The following JAK3 variants were observed in gnomAD, a reference collection of about 807,000 sequenced individuals.
JAK3 encodes tyrosine-protein kinase JAK3.
JAK3 carries 88 observed loss-of-function variants against 120.8 expected under a neutral mutation model. That is an observed-to-expected ratio of 0.73 (90% CI 0.61 to 0.87). The LOEUF is 0.87. Ranked by LOEUF, JAK3 falls within the 40% of genes least tolerant of loss-of-function variation. JAK3 has a pLI of 0.00. For missense variants in JAK3, 1,254 were observed against 1,501.4 expected, an observed-to-expected ratio of 0.84 and a Z score of 2.72; for synonymous variants, 592 against 628.6, an observed-to-expected ratio of 0.94 and a Z score of 0.87.
chr19:17,843,018 G>T lies in JAK3; in HGVS notation c.566+9C>A, dbSNP rs771632271. 6.2e-7 allele frequency: 1 copy of T among 1,609,658 alleles called. No homozygotes were observed. Among genetic ancestry groups the T allele is most frequent in the Non-Finnish European group, 8.5e-7 (1 of 1,179,686 alleles). On this transcript the variant is annotated intron_variant, in intron 5 of 23. Transcript: ENST00000458235. The surrounding 1 kb of genome is among the most constrained non-coding windows in gnomAD (Gnocchi z 5.4). ...GCAGAGGCCGTCCCCACAGCCTGGTGGCTCTCACCTGACAGTCTTCAGCAG... is the reference window on the plus strand; with the variant it reads ...GCAGAGGCCGTCCCCACAGCCTGGTTGCTCTCACCTGACAGTCTTCAGCAG...
At position 17,835,999 on chromosome 19, in the gene JAK3, T is replaced by G; in HGVS notation, c.1839A>C (p.Arg613=). 2 of 1,614,162 alleles carry G rather than the reference T, an allele frequency of 1.2e-6. No individual in the cohort carries two copies. Among genetic ancestry groups the G allele is most frequent in the Non-Finnish European group, 8.5e-7 (1 of 1,180,048 alleles). The change falls in exon 14 of 24, where the codon CGA becomes CGC. Residue 613 remains arginine, a synonymous_variant. Transcript: ENST00000458235. The part of the protein sequence containing the change: ...VHLGAIDMYL[R]KRGHLVPASW... Reference sequence around the variant, plus strand: ...TGGCTGGCACCAGGTGGCCACGTTTTCGCAGATACATGTCTATGGCCCCCA... The same window carrying G: ...TGGCTGGCACCAGGTGGCCACGTTTGCGCAGATACATGTCTATGGCCCCCA...
At chr19:17,836,592 C>T (rs929664039) in intron 13 of JAK3, 2 of 360,660 alleles carry the variant, frequency 5.5e-6, no homozygotes, top group Non-Finnish European at 1.0e-5. Context: ...ACTTCTAACC[C>T]TTTGCATATT....
chr19:17,844,008 G>T, intron 2 of JAK3, 108 bp from the exon 3 acceptor site: 1 of 1,427,778 alleles, frequency 7.0e-7, no homozygotes, highest in South Asian at 1.3e-5. Context: ...CTCAAGGTAT[G>T]ACCAGCTGTT....
chr19:17,841,772 A>AG lies in JAK3; in HGVS notation c.862-11dup, dbSNP rs1337380844. On this transcript the variant is annotated splice_polypyrimidine_tract_variant and intron_variant, in intron 6 of 23. Transcript: ENST00000458235. The surrounding 1 kb of genome is among the most constrained non-coding windows in gnomAD (Gnocchi z 4.1). ...AGAAGGGCTGGAGGACCTGGGAAGGAGGGGGAGTACCGAAGTGGGGGCCCA... is the reference window on the plus strand; with the variant it reads ...AGAAGGGCTGGAGGACCTGGGAAGGAGGGGGGAGTACCGAAGTGGGGGCCCA... 6.2e-7 allele frequency: 1 copy of AG among 1,601,178 alleles called. No individual in the cohort carries two copies. Among genetic ancestry groups the AG allele is most frequent in the Admixed American group, 1.7e-5 (1 of 59,918 alleles).
At chr19:17,828,921 G>A (rs952909560) in intron 23 of JAK3, among the ~76,000 whole-genome samples, 24 of 151,752 alleles carry the variant, frequency 1.6e-4, no homozygotes, top group East Asian at 1.4e-3. Context: ...TTGGGAGGCC[G>A]AGGCAGGAGG....
chr19:17,830,894 C>G (rs1351268356), intron 21 of JAK3, among the ~76,000 whole-genome samples: 1 of 6,604 alleles, frequency 1.5e-4, no homozygotes, highest in African/African-American at 6.4e-4. Flanking sequence ...GGGGCCAGAA[C>G]TGGGCGGGGG....
At chr19:17,830,285 CGTGGTGGGGGTAGGGGCCATCT>C in intron 22 of JAK3, 67 bp from the exon 23 acceptor site, 1 of 769,092 alleles carries the variant, frequency 1.3e-6, no homozygotes, top group Non-Finnish European at 2.0e-6. Flanking sequence ...AGGGGCCACC[CGTGGTGGGGGTAGGGGCCATCT>C]GTGATGGAGC....
chr19:17,825,403 G>A lies in JAK3; in HGVS notation c.*1340C>T, dbSNP rs1298121146. ...GGGTGAGGACAGAAAGGGTCCCATT[G>A]GACAGGTGGGAAAACTGAAGCCCTA... is the stretch of plus-strand genomic sequence containing the variant. On this transcript the variant is annotated 3_prime_UTR_variant, in exon 24 of 24. Coordinates refer to ENST00000458235, the MANE Select transcript of JAK3 (RefSeq NM_000215.4). 2 of 220,324 alleles carry A rather than the reference G, an allele frequency of 9.1e-6. No homozygotes were observed. Among genetic ancestry groups the A allele is most frequent in the Non-Finnish European group, 1.8e-5 (2 of 110,066 alleles). 13.6% of individuals were successfully genotyped at this position (220,324 alleles called of 1,614,324 possible).
In JAK3 at chr19:17,842,297, C is replaced by CG. The variant is rs1327507322; in HGVS notation, c.861+18dup. The CG allele has an allele frequency of 6.5e-6, 10 of 1,547,214 alleles. No individual in the cohort carries two copies. Among genetic ancestry groups the CG allele is most frequent in the South Asian group, 3.6e-5 (3 of 83,756 alleles). On this transcript the variant is annotated intron_variant, in intron 6 of 23. Transcript: ENST00000458235. This position sits in a 1 kb window ranked among gnomAD's most constrained non-coding sequence, Gnocchi z 6.4. ...CCGCCCCCACGTTGGCCCCGCCCAG[C>CG]GGGGGAGTCCGCCCTCACCTCCTGT...
At position 17,842,517 on chromosome 19, in the gene JAK3, G is replaced by A; in HGVS notation, c.660C>T (p.Ala220=). 6.3e-7 allele frequency: 1 copy of A among 1,593,758 alleles called. No homozygotes were observed. Residue 220 remains alanine (A), a synonymous_variant, in exon 6 of 24, where the codon GCC becomes GCT. Coordinates refer to ENST00000458235, the MANE Select transcript of JAK3 (RefSeq NM_000215.4). The surrounding 1 kb of genome is among the most constrained non-coding windows in gnomAD (Gnocchi z 6.4). Reference sequence around the variant, plus strand: ...CCTGGCAGGCGGCCACGCGGCGCAGGGCTCTGCGCACCGTCCTCCGAATAC... The same window carrying A: ...CCTGGCAGGCGGCCACGCGGCGCAGAGCTCTGCGCACCGTCCTCCGAATAC... ...RRRIRRTVRR[A]LRRVAACQAD...
rs3212720 is a variant in JAK3 at position 17,843,605 on chromosome 19, T to G, written c.309-114A>C. 6,405 of 1,162,102 alleles carry G rather than the reference T, an allele frequency of 5.5e-3. 277 individuals carry two copies. The African/African-American group carries it at 0.086, about 16-fold the overall frequency. The allele number at this position is 1,162,102 out of a possible 1,614,324, so 72.0% of individuals were successfully genotyped here. ...CGGAGGCCTCACAGAGCCCAGCTTG[T>G]ACCTTTAACTTGCTGTGTGACCTTG... On this transcript the variant is annotated intron_variant, in intron 3 of 23. Coordinates refer to ENST00000458235, the MANE Select transcript of JAK3 (RefSeq NM_000215.4). The surrounding 1 kb of genome is among the most constrained non-coding windows in gnomAD (Gnocchi z 5.4).
chr19:17,842,970 GA>G lies in JAK3; in HGVS notation c.566+56del. The G allele has an allele frequency of 6.2e-7, 1 of 1,600,978 alleles. No homozygotes were observed. Among genetic ancestry groups the G allele is most frequent in the Non-Finnish European group, 8.5e-7 (1 of 1,176,920 alleles). ...GTGGGAGCCCGGCAAAGCCCCGATG[GA>G]GCCCACGTTGCTCACTCCCAAGCAG... On this transcript the variant is annotated intron_variant, in intron 5 of 23. Transcript: ENST00000458235. The surrounding 1 kb of genome is among the most constrained non-coding windows in gnomAD (Gnocchi z 6.4).
At position 17,841,611 on chromosome 19, in the gene JAK3, G is replaced by A. The variant is rs201553221; in HGVS notation, c.984+29C>T. The A allele has an allele frequency of 6.8e-5, 110 of 1,613,014 alleles. No individual in the cohort carries two copies. In the South Asian group the frequency reaches 1.1e-3, roughly 15 times the overall value. On this transcript the variant is annotated intron_variant, in intron 7 of 23. Transcript: ENST00000458235. The surrounding 1 kb of genome is among the most constrained non-coding windows in gnomAD (Gnocchi z 4.1). ...GTGCCGGTCCCGCCCTCGGGGTAAG[G>A]CTGAAGGGGAGGGGAATCCTGCACC...
intron 1 of JAK3, among the ~76,000 whole-genome samples, chr19:17,845,017 T>G (rs1018971966): frequency 1.3e-5 from 2 of 151,880 alleles, no homozygotes; most frequent in Non-Finnish European, 2.9e-5. Context: ...AGGAGGTCAC[T>G]CAAATTGACC....
chr19:17,847,878 G>T, intron 1 of JAK3, 68 bp downstream of exon 1: 1 of 645,230 alleles, frequency 1.5e-6, no homozygotes, highest in Non-Finnish European at 2.0e-6. Flanking sequence ...CCCCAGCCCA[G>T]CCATCCCCCG....
rs373027121 is a variant in JAK3, at chr19:17,835,139, G to A, written c.1991C>T (p.Pro664Leu). Residue 664 changes from proline to leucine, a missense_variant, in exon 15 of 24, where the codon CCG becomes CTG. Physicochemically the swap from Pro to Leu is moderately conservative, Grantham distance 98. This residue lies in a region of JAK3 where 630 missense variants were observed against 819.8 expected (regional missense o/e 0.77). Transcript: ENST00000458235. ...AGGGTCACTCAGCTTGATGAAGGGC[G>A]GGCTCCCATCAGCCCCCTCCCGAGC... is the stretch of plus-strand genomic sequence containing the variant. ...LLAREGADGS[P>L]PFIKLSDPGV... 9.3e-6 allele frequency: 15 copies of A among 1,614,160 alleles called. No homozygotes were observed. Among genetic ancestry groups the A allele is most frequent in the East Asian group, 2.2e-5 (1 of 44,872 alleles).
At chr19:17,837,624 A>G (rs1458524976) in intron 12 of JAK3, among the ~76,000 whole-genome samples, 1 of 150,960 alleles carries the variant, frequency 6.6e-6, no homozygotes, top group Non-Finnish European at 1.5e-5. Context: ...CATGTTGGTC[A>G]GGCTGGTCTC....
At position 17,842,240 on chromosome 19, in the gene JAK3, T is replaced by G. The variant is rs547783501; in HGVS notation, c.861+76A>C. ...TCTTTCGTTTTGGCTCCGCCCCACA[T>G]CCCCTACCACTCTCCGGCCCCTCCC... On this transcript the variant is annotated intron_variant, in intron 6 of 23. Transcript: ENST00000458235. The surrounding 1 kb of genome is among the most constrained non-coding windows in gnomAD (Gnocchi z 6.4). 6.0e-5 allele frequency: 83 copies of G among 1,382,536 alleles called. No homozygotes were observed. The highest frequency in any genetic ancestry group is 7.4e-5 in the Non-Finnish European group (78 of 1,050,768). 85.6% of individuals were successfully genotyped at this position (1,382,536 alleles called of 1,614,324 possible).
rs759470992 is a variant in JAK3, at chr19:17,843,269, C to A, written c.421-97G>T. 52 of 1,539,866 alleles carry A rather than the reference C, an allele frequency of 3.4e-5. 1 individual carries two copies. In the South Asian group the frequency reaches 3.8e-4, roughly 11 times the overall value. ...CCCCAATCCTGGGCTGACCCCCACC[C>A]CTGGACTGCCACAGGGAGGGTCAGA... On this transcript the variant is annotated intron_variant, in intron 4 of 23. Transcript: ENST00000458235. The surrounding 1 kb of genome is among the most constrained non-coding windows in gnomAD (Gnocchi z 5.4).
Sources: gnomAD v4.1 joint callset for allele counts (sites outside exome capture counted in the v4.1 genomes callset) on GRCh38, gnomAD v4.1.1 for gene constraint, gnomAD v4.1.1 regional missense constraint, Gnocchi (gnomAD v3.1) non-coding constraint, MANE v1.5 for transcripts, NCBI Gene and HGNC (gene_info 2026-07-23, HGNC 2026-07-21) for gene names.